COL4A4: variants seen among roughly 807,000 people sequenced by gnomAD.
COL4A4 encodes collagen alpha-4(IV) chain.
A neutral mutation model predicts 192.9 loss-of-function variants in COL4A4; 105 were observed. The observed-to-expected ratio is 0.54, with a 90% CI of 0.46 to 0.64. The LOEUF (loss-of-function observed/expected upper bound fraction) is 0.64, where lower values mean the gene tolerates loss of function less well. COL4A4 is among the 30% of genes least tolerant of loss of function. COL4A4 has a pLI of 0.00. For synonymous variants in COL4A4, 762 were observed against 769.9 expected (o/e 0.99, Z 0.17); for missense variants, 1,967 against 2,169.3 (o/e 0.91, Z 1.85).
At chr2:227,104,272 T>G (rs1470145660) in intron 12 of COL4A4, 3 of 522,324 alleles carry the variant, frequency 5.7e-6, no homozygotes, top group Non-Finnish European at 1.0e-5. Flanking sequence ...AAAATGATTC[T>G]TAATGCTACT....
At chr2:227,086,910 G>A (rs1323477572) in intron 22 of COL4A4, among the ~76,000 whole-genome samples, 1 of 152,192 alleles carries the variant, frequency 6.6e-6, no homozygotes, top group Non-Finnish European at 1.5e-5. Context: ...GGTGGCCAGT[G>A]GGCTTTGTAC....
chr2:227,014,039 TC>T (rs1964369409), intron 44 of COL4A4, among the ~76,000 whole-genome samples: 1 of 152,188 alleles, frequency 6.6e-6, no homozygotes, highest in Non-Finnish European at 1.5e-5. Flanking sequence ...ATCGAAGATT[TC>T]CCACGCAGGC....
At chr2:227,158,413 G>T (rs1011026889) in intron 1 of COL4A4, among the ~76,000 whole-genome samples, 2 of 151,964 alleles carry the variant, frequency 1.3e-5, no homozygotes, top group Non-Finnish European at 2.9e-5. Flanking sequence ...CTGCAATTTT[G>T]GCATAGGTAT....
downstream of COL4A4, among the ~76,000 whole-genome samples, chr2:226,999,443 C>G (rs1960398253): frequency 1.3e-5 from 2 of 152,134 alleles, no homozygotes. Flanking sequence ...TCCCACACGA[C>G]CAAGAAGTGT....
intron 4 of COL4A4, among the ~76,000 whole-genome samples, chr2:227,122,601 A>C (rs1267923893): frequency 2.0e-5 from 3 of 152,074 alleles, no homozygotes; most frequent in Admixed American, 2.0e-4. Context: ...TGCCAGCCCT[A>C]CTCTGGCAAC....
intron 44 of COL4A4, among the ~76,000 whole-genome samples, chr2:227,014,120 T>C (rs1272537407): frequency 6.6e-6 from 1 of 152,142 alleles, no homozygotes. Context: ...AGTAGCTAAC[T>C]TGCCTAGAGC....
At chr2:227,010,833 A>G (rs1453135121) in intron 45 of COL4A4, among the ~76,000 whole-genome samples, 1 of 152,234 alleles carries the variant, frequency 6.6e-6, no homozygotes, top group Non-Finnish European at 1.5e-5. Flanking sequence ...CAAAAAGTTA[A>G]GTTATGAAAT....
chr2:227,099,000 T>C (rs1576488692), intron 18 of COL4A4, among the ~76,000 whole-genome samples: 1 of 152,198 alleles, frequency 6.6e-6, no homozygotes, highest in Admixed American at 6.5e-5. Flanking sequence ...TGAATGGGGT[T>C]CTTTGTCACT....
At chr2:226,987,886 T>A in the COL4A4 span, among the ~76,000 whole-genome samples, 12 of 152,278 alleles carry the variant, frequency 7.9e-5, no homozygotes, top group East Asian at 2.3e-3. Flanking sequence ...GATCCAATAA[T>A]CTGCATTTTG....
At chr2:226,994,583 T>A in the COL4A4 span, among the ~76,000 whole-genome samples, 1 of 152,198 alleles carries the variant, frequency 6.6e-6, no homozygotes, top group Non-Finnish European at 1.5e-5. Context: ...TTGGTCCCCA[T>A]GCTTAGAAGT....
At position 227,114,783 on chromosome 2, in the gene COL4A4, A is replaced by G. The variant is rs181378347; in HGVS notation, c.490-87T>C. On this transcript the variant is annotated intron_variant, in intron 7 of 47. Coordinates refer to ENST00000396625, the MANE Select transcript of COL4A4 (RefSeq NM_000092.5). ...TTTTCTATATAAAATATAACTCATC[A>G]GTTAAAATTACCATTATTGACATGA... 312 of 1,046,258 alleles carry G rather than the reference A, an allele frequency of 3.0e-4. 2 individuals carry two copies. Among genetic ancestry groups the G allele is most frequent in the Middle Eastern group, 9.8e-4 (4 of 4,082 alleles). The allele number at this position is 1,046,258 out of a possible 1,614,324, so 64.8% of individuals were successfully genotyped here.
chr2:227,089,039 T>C (rs1178357932), intron 21 of COL4A4, among the ~76,000 whole-genome samples: 1 of 152,152 alleles, frequency 6.6e-6, no homozygotes, highest in Non-Finnish European at 1.5e-5. Context: ...TCTAAACAAA[T>C]GGAGGGTTTC....
chr2:227,110,815 T>C (rs2061157173), intron 9 of COL4A4, among the ~76,000 whole-genome samples: 1 of 151,450 alleles, frequency 6.6e-6, no homozygotes, highest in Non-Finnish European at 1.5e-5. Flanking sequence ...CCTGAGTAGC[T>C]GGGATTGTAG....
intron 35 of COL4A4, among the ~76,000 whole-genome samples, chr2:227,045,138 T>C (rs1972177114): frequency 6.6e-6 from 1 of 152,236 alleles, no homozygotes; most frequent in Non-Finnish European, 1.5e-5. Flanking sequence ...AATGTCTTCA[T>C]GTTTTGCTGA....
chr2:227,063,217 G>A (rs1238462784), intron 25 of COL4A4, among the ~76,000 whole-genome samples: 1 of 152,150 alleles, frequency 6.6e-6, no homozygotes, highest in East Asian at 1.9e-4. Flanking sequence ...TTAATAAGCA[G>A]TTGAGGGTCT....
downstream of COL4A4, among the ~76,000 whole-genome samples, chr2:226,999,395 G>T (rs1382430567): frequency 6.6e-6 from 1 of 152,100 alleles, no homozygotes; most frequent in Non-Finnish European, 1.5e-5. Context: ...ATGTCCCACT[G>T]CATCGAATGC....
At chr2:227,024,122 T>C (rs12467261) in intron 43 of COL4A4, among the ~76,000 whole-genome samples, 70,979 of 152,116 alleles carry the variant, frequency 0.47, 16,784 homozygotes, top group South Asian at 0.55. Flanking sequence ...CAGGGCATTC[T>C]GGCTCCAAAC....
chr2:226,971,785 G>C, the COL4A4 span, among the ~76,000 whole-genome samples: 1 of 151,582 alleles, frequency 6.6e-6, no homozygotes, highest in Non-Finnish European at 1.5e-5. Flanking sequence ...TGTGTGTTTT[G>C]TTGAGATATG....
At chr2:227,133,514 T>C (rs1300309207) in intron 4 of COL4A4, among the ~76,000 whole-genome samples, 1 of 152,234 alleles carries the variant, frequency 6.6e-6, no homozygotes, top group Non-Finnish European at 1.5e-5. Context: ...TCTACCACTA[T>C]AATTTATTAA....
Sources: allele counts gnomAD v4.1 joint callset (sites outside exome capture counted in the v4.1 genomes callset), GRCh38; gene constraint gnomAD v4.1.1; transcripts MANE v1.5; gene names NCBI Gene and HGNC (gene_info 2026-07-23, HGNC 2026-07-21).